HTN3: variants seen among roughly 807,000 people sequenced by gnomAD.
HTN3 encodes the protein histatin 3.
A neutral mutation model predicts 10.6 loss-of-function variants in HTN3; 15 were observed. The observed-to-expected ratio is 1.42, with a 90% CI of 0.95 to 2.18. The LOEUF is 2.18. HTN3 is among the 30% of genes most tolerant of loss of function. The pLI, the probability that HTN3 is intolerant of heterozygous loss-of-function variation, is 0.00. For synonymous variants in HTN3, 15 were observed against 16.9 expected, an observed-to-expected ratio of 0.89 and a Z score of 0.27; for missense variants, 68 against 58.0, an observed-to-expected ratio of 1.17 and a Z score of -0.56.
chr4:70,035,334 A>G (rs1725487634), intron 5 of HTN3, among the ~76,000 whole-genome samples: 1 of 152,172 alleles, frequency 6.6e-6, no homozygotes, highest in Non-Finnish European at 1.5e-5. Flanking sequence ...TTTATAAGAG[A>G]CAAATACATG....
At position 70,033,331 on chromosome 4, in the gene HTN3, C is replaced by T. The variant is rs1208339885; in HGVS notation, c.*33+78C>T. ...AAACAAGGAAAAATTAAAAAAAAGC[C>T]ATTAAGCCAACAATCATTCCAGTTT... On this transcript the variant is annotated intron_variant, in intron 5 of 5. Coordinates refer to ENST00000673563, the MANE Select transcript of HTN3 (RefSeq NM_000200.3). The T allele has an allele frequency of 5.8e-6, 4 of 687,510 alleles. No individual in the cohort carries two copies. The Admixed American group carries it at 1.2e-4, about 20-fold the overall frequency. 42.6% of individuals were successfully genotyped at this position (687,510 alleles called of 1,614,324 possible).
intron 5 of HTN3, among the ~76,000 whole-genome samples, chr4:70,034,572 TGG>T (rs1225622829): frequency 6.6e-6 from 1 of 152,158 alleles, no homozygotes; most frequent in East Asian, 1.9e-4. Context: ...GGCTAGGTTG[TGG>T]AGAGATAGGA....
chr4:70,034,797 C>T (rs1375811646), intron 5 of HTN3, among the ~76,000 whole-genome samples: 1 of 152,104 alleles, frequency 6.6e-6, no homozygotes, highest in Non-Finnish European at 1.5e-5. Context: ...ATGGAACAAC[C>T]CAAATGCCCA....
At chr4:70,035,321 A>T (rs548253093) in intron 5 of HTN3, among the ~76,000 whole-genome samples, 4 of 152,274 alleles carry the variant, frequency 2.6e-5, no homozygotes, top group Admixed American at 2.6e-4. Flanking sequence ...TCTTAACCTT[A>T]ATTTTATAAG....
chr4:70,035,658 C>T (rs1457911964), intron 5 of HTN3, among the ~76,000 whole-genome samples: 2 of 152,034 alleles, frequency 1.3e-5, no homozygotes, highest in African/African-American at 4.8e-5. Context: ...GTAACAATGT[C>T]CTTTTTAGAA....
intron 5 of HTN3, among the ~76,000 whole-genome samples, chr4:70,035,466 C>A (rs1229027598): frequency 6.6e-6 from 1 of 152,100 alleles, no homozygotes; most frequent in Non-Finnish European, 1.5e-5. Context: ...AAATCTGTAC[C>A]TGGTTGTTAT....
intron 4 of HTN3, among the ~76,000 whole-genome samples, chr4:70,032,584 AT>A (rs1725410425): frequency 6.6e-6 from 1 of 152,106 alleles, no homozygotes; most frequent in African/African-American, 2.4e-5. Context: ...ATGTATAAAA[AT>A]ATCATATTAT....
chr4:70,032,248 T>G, intron 4 of HTN3, 141 bp downstream of exon 4: 1 of 686,048 alleles, frequency 1.5e-6, no homozygotes, highest in Non-Finnish European at 2.4e-6. Context: ...TTTATTCTTG[T>G]TACAGAGGTA....
intron 2 of HTN3, chr4:70,031,199 C>G (rs1385689528): frequency 6.0e-6 from 1 of 166,284 alleles, no homozygotes; most frequent in Non-Finnish European, 1.3e-5. Context: ...CTTGCACAAC[C>G]AAACTGTTCA....
At position 70,035,191 on chromosome 4, in the gene HTN3, C is replaced by T. The variant is rs564427654; in HGVS notation, c.*34-1076C>T. Among the ~76,000 whole-genome samples, 21 of 152,246 alleles carry T rather than the reference C, an allele frequency of 1.4e-4. 1 individual carries two copies. The South Asian group carries it at 3.9e-3, about 29-fold the overall frequency. On this transcript the variant is annotated intron_variant, in intron 5 of 5. Transcript: ENST00000673563. ...AAATCATAAAATAAAATAAAAATGC[C>T]TCTGAGGGAAAGCTTCTGTTTGCTA...
chr4:70,032,438 A>G (rs1168473204), intron 4 of HTN3, among the ~76,000 whole-genome samples: 1 of 152,066 alleles, frequency 6.6e-6, no homozygotes, highest in Non-Finnish European at 1.5e-5. Flanking sequence ...GAAGTATAAC[A>G]TATGCCTAAT....
chr4:70,030,192 T>G (rs1440993061), intron 1 of HTN3, among the ~76,000 whole-genome samples: 1 of 152,178 alleles, frequency 6.6e-6, no homozygotes. Context: ...ACACCTCCCT[T>G]TACTCATTCC....
chr4:70,030,821 C>A (rs560565214), intron 2 of HTN3, 30 bp downstream of exon 2: 4 of 1,517,030 alleles, frequency 2.6e-6, no homozygotes, highest in Non-Finnish European at 3.7e-6. Context: ...TTAAAGGATA[C>A]ATTCTCAGTA....
chr4:70,032,212 A>C, intron 4 of HTN3, 105 bp downstream of exon 4: 1 of 809,538 alleles, frequency 1.2e-6, no homozygotes, highest in Admixed American at 2.8e-5. Context: ...TTATATCATT[A>C]ATTGCTAAAG....
chr4:70,033,056 G>T, intron 4 of HTN3, 111 bp from the exon 5 acceptor site: 1 of 726,620 alleles, frequency 1.4e-6, no homozygotes, highest in Non-Finnish European at 2.4e-6. Flanking sequence ...TAACACACGA[G>T]GTCATAACAA....
chr4:70,032,421 A>T (rs1725406131), intron 4 of HTN3, among the ~76,000 whole-genome samples: 2 of 152,052 alleles, frequency 1.3e-5, no homozygotes, highest in South Asian at 4.1e-4. Flanking sequence ...ATAATTCCTA[A>T]TTCTATGAAG....
chr4:70,035,764 TAA>T lies in HTN3; in HGVS notation c.*34-500_*34-499del, dbSNP rs577857735. Among the ~76,000 whole-genome samples, 3 of 152,312 alleles carry T rather than the reference TAA, an allele frequency of 2.0e-5. No homozygotes were observed. In the South Asian group the frequency reaches 6.2e-4, roughly 32 times the overall value. ...TCAAAATAAAGTAATATTTTGGAGA[TAA>T]AAGAGTACTGTTCTACAATTCAAAA... On this transcript the variant is annotated intron_variant, in intron 5 of 5. Transcript: ENST00000673563.
chr4:70,030,584 T>TG (rs1462625810), intron 1 of HTN3, 144 bp from the exon 2 acceptor site: 4 of 620,854 alleles, frequency 6.4e-6, no homozygotes, highest in Middle Eastern at 4.6e-4. Flanking sequence ...CAGGATGCAG[T>TG]GATCTGTGCT....
At position 70,032,081 on chromosome 4, in the gene HTN3, C is replaced by A; in HGVS notation, c.76C>A (p.His26Asn). Residue 26 changes from histidine (H) to asparagine (N), a missense_variant, in exon 4 of 6, where the codon CAT (histidine) becomes AAT (asparagine). By Grantham distance (68) the His-to-Asn change is moderately conservative. Coordinates refer to ENST00000673563, the MANE Select transcript of HTN3 (RefSeq NM_000200.3). ...ATCTTTTCTTTTTATTTCATAGAGA[C>A]ATCATGGGTATAAAAGAAAATTCCA... ...MTGADSHAKRHHGYKRKFHEK... is the reference protein window; with the variant it reads ...MTGADSHAKRNHGYKRKFHEK... The A allele has an allele frequency of 6.5e-7, 1 of 1,536,268 alleles. No homozygotes were observed.
Sources: gnomAD v4.1 joint callset for allele counts (sites outside exome capture counted in the v4.1 genomes callset) on GRCh38, gnomAD v4.1.1 for gene constraint, MANE v1.5 for transcripts, NCBI Gene and HGNC (gene_info 2026-07-23, HGNC 2026-07-21) for gene names.